GTSF1: variants seen among roughly 807,000 people sequenced by gnomAD.
GTSF1 encodes the protein gametocyte-specific factor 1.
GTSF1 carries 11 observed loss-of-function variants against 28.9 expected under a neutral mutation model. That is an observed-to-expected ratio of 0.38 (90% CI 0.24 to 0.63). The LOEUF (loss-of-function observed/expected upper bound fraction) is 0.63, where lower values mean the gene tolerates loss of function less well. Among genes scored for constraint, GTSF1 ranks in the 30% least tolerant of loss-of-function variants. The probability of loss-of-function intolerance (pLI) is 0.56; values close to 1 mark genes in which losing one functional copy is unlikely to be tolerated. For synonymous variants in GTSF1, 69 were observed against 65.6 expected (o/e 1.05, Z -0.25); for missense variants, 146 against 201.0 (o/e 0.73, Z 1.66).
intron 8 of GTSF1, 41 bp downstream of exon 8, chr12:54,459,048 T>A: frequency 7.1e-7 from 1 of 1,417,596 alleles, no homozygotes; most frequent in Non-Finnish European, 9.8e-7. Context: ...TAAATCTTGC[T>A]ACCATCTGAA....
chr12:54,458,455 C>T (rs975979890), intron 8 of GTSF1, among the ~76,000 whole-genome samples: 1 of 152,202 alleles, frequency 6.6e-6, no homozygotes, highest in Non-Finnish European at 1.5e-5. Context: ...TCACTGCAAC[C>T]TCTGCCTCCC....
At chr12:54,467,711 A>C (rs553371834) in intron 2 of GTSF1, among the ~76,000 whole-genome samples, 3 of 151,248 alleles carry the variant, frequency 2.0e-5, no homozygotes, top group Non-Finnish European at 4.4e-5. Flanking sequence ...GAAATATTTC[A>C]CTGCTGCATA....
chr12:54,459,352 G>C, intron 7 of GTSF1: 2 of 1,420,116 alleles, frequency 1.4e-6, no homozygotes, highest in Non-Finnish European at 1.8e-6. Context: ...TCATTTTTTG[G>C]GAAATGCAAG....
intron 4 of GTSF1, 109 bp downstream of exon 4, chr12:54,463,062 T>C (rs1027321208): frequency 2.8e-6 from 3 of 1,071,406 alleles, no homozygotes; most frequent in African/African-American, 1.6e-5. Context: ...TGGAAAAGTA[T>C]TGTTCTTCTA....
At chr12:54,470,327 G>C (rs190876323) in intron 2 of GTSF1, among the ~76,000 whole-genome samples, 2 of 152,148 alleles carry the variant, frequency 1.3e-5, no homozygotes, top group South Asian at 2.1e-4. Context: ...CTGCAGGTGG[G>C]ACCCAGCAAT....
chr12:54,462,734 C>A lies in GTSF1; in HGVS notation c.245-9G>T, dbSNP rs1203788168. 6.2e-7 allele frequency: 1 copy of A among 1,611,238 alleles called. No homozygotes were observed. The highest frequency in any genetic ancestry group is 1.7e-5 in the Admixed American group (1 of 59,808). ...GCTCCTGGTTTGGTTGACTGCAAGA[C>A]AATAAAGATTGGATATAAGAGGGGG... On this transcript the variant is annotated splice_polypyrimidine_tract_variant and intron_variant, in intron 4 of 8. Transcript: ENST00000305879.
At chr12:54,470,591 G>A (rs965888080) in intron 2 of GTSF1, among the ~76,000 whole-genome samples, 1 of 152,044 alleles carries the variant, frequency 6.6e-6, no homozygotes, top group Admixed American at 6.6e-5. Flanking sequence ...TTTTATCCAC[G>A]GGCATAAACT....
rs766299691 is a variant in GTSF1, at chr12:54,465,125, T to G, written c.59A>C (p.Asp20Ala). ...DPEKLLQCPY[D>A]KNHQIRACRF... is the part of the protein sequence containing the mutation. ...GCAAGCCCTGATTTGATGGTTTTTG[T>G]CATAGGGGCATTGCAATAGCTTCTC... Residue 20 changes from aspartate to alanine, a missense_variant, in exon 3 of 9, where the codon GAC becomes GCC. Transcript: ENST00000305879. 9 of 1,613,642 alleles carry G rather than the reference T, an allele frequency of 5.6e-6. No homozygotes were observed. The South Asian group carries it at 8.8e-5, about 16-fold the overall frequency.
At chr12:54,470,708 C>T (rs1177194132) in intron 2 of GTSF1, among the ~76,000 whole-genome samples, 1 of 152,140 alleles carries the variant, frequency 6.6e-6, no homozygotes, top group African/African-American at 2.4e-5. Flanking sequence ...CTGTCCCTAA[C>T]TATGTAAACT....
intron 1 of GTSF1, chr12:54,472,397 G>GA (rs1192388182): frequency 1.3e-5 from 2 of 152,176 alleles, no homozygotes; most frequent in African/African-American, 4.8e-5. Context: ...TGCACTAAGG[G>GA]AAAACCTCTC....
intron 5 of GTSF1, 35 bp from the exon 6 acceptor site, chr12:54,462,207 A>G: frequency 7.1e-7 from 1 of 1,415,582 alleles, no homozygotes; most frequent in South Asian, 1.2e-5. Context: ...TTGTGGTACT[A>G]CTAGATAAGA....
At chr12:54,466,497 C>CTAA (rs1472008254) in intron 2 of GTSF1, among the ~76,000 whole-genome samples, 1 of 152,188 alleles carries the variant, frequency 6.6e-6, no homozygotes, top group Non-Finnish European at 1.5e-5. Context: ...GCTTATTATG[C>CTAA]TAACCAGGCT....
intron 8 of GTSF1, 149 bp downstream of exon 8, chr12:54,458,940 A>T (rs1354468650): frequency 1.1e-5 from 6 of 525,056 alleles, no homozygotes; most frequent in Non-Finnish European, 2.1e-5. Context: ...TAAAGCCATA[A>T]CAGAGGCTAT....
chr12:54,468,724 G>A (rs1298433011), intron 2 of GTSF1: 1 of 152,196 alleles, frequency 6.6e-6, no homozygotes, highest in Non-Finnish European at 1.5e-5. Flanking sequence ...AGTCCAAAGA[G>A]AGAAGACAGA....
chr12:54,459,327 T>C, intron 7 of GTSF1: 1 of 1,439,368 alleles, frequency 6.9e-7, no homozygotes, highest in Non-Finnish European at 9.1e-7. Context: ...CCTTTTGACA[T>C]ATAATTTGGT....
intron 2 of GTSF1, chr12:54,466,889 C>T (rs1399382926): frequency 2.0e-5 from 3 of 150,052 alleles, no homozygotes; most frequent in Non-Finnish European, 1.5e-5. Context: ...GATCTCGGCC[C>T]ACTGCAACCT....
In GTSF1 at chr12:54,455,978, T is replaced by C. The variant is rs1472908852; in HGVS notation, c.*196A>G. 6.6e-6 allele frequency: 1 copy of C among 152,588 alleles called. No homozygotes were observed. The highest frequency in any genetic ancestry group is 1.9e-4 in the East Asian group (1 of 5,190). 9.5% of individuals were successfully genotyped at this position (152,588 alleles called of 1,614,324 possible). On this transcript the variant is annotated 3_prime_UTR_variant, in exon 9 of 9. Transcript: ENST00000305879. ...TAAGCAATCTGTATCAAAGGTTTAT[T>C]TGGAAGCTTCTGAGTATGAGGGTTC...
intron 7 of GTSF1, chr12:54,459,344 AT>A: frequency 7.0e-7 from 1 of 1,431,406 alleles, no homozygotes; most frequent in Non-Finnish European, 9.2e-7. Context: ...TGGTGACTTC[AT>A]TTTTTGGGAA....
chr12:54,459,075 A>C lies in GTSF1; in HGVS notation c.*20+14T>G, dbSNP rs763582653. ...CCATCTGAAGAGACAGTGAAATAAA[A>C]CTGAAACACTTACTTGATGAGATAG... On this transcript the variant is annotated intron_variant, in intron 8 of 8. Transcript: ENST00000305879. The C allele has an allele frequency of 5.7e-6, 9 of 1,580,464 alleles. No individual in the cohort carries two copies. Among genetic ancestry groups the C allele is most frequent in the Non-Finnish European group, 7.8e-6 (9 of 1,156,438 alleles).
Sources: allele counts gnomAD v4.1 joint callset (sites outside exome capture counted in the v4.1 genomes callset), GRCh38; gene constraint gnomAD v4.1.1; transcripts MANE v1.5; gene names NCBI Gene and HGNC (gene_info 2026-07-23, HGNC 2026-07-21).